Variants in KDM4C observed in about 807,000 individuals in gnomAD.
The protein encoded by KDM4C is lysine-specific demethylase 4C.
KDM4C carries 81 observed loss-of-function variants against 129.3 expected under a neutral mutation model. The observed-to-expected ratio is 0.63, with a 90% CI of 0.52 to 0.75. KDM4C has a LOEUF of 0.75. Among genes scored for constraint, KDM4C ranks in the 30% least tolerant of loss-of-function variants. The pLI is 0.00. For missense variants in KDM4C, 1,457 were observed against 1,304.0 expected, an observed-to-expected ratio of 1.12 and a Z score of -1.81; for synonymous variants, 573 against 456.1, an observed-to-expected ratio of 1.26 and a Z score of -3.26.
At chr9:6,739,315 T>G (rs952843052) in intron 1 of KDM4C, among the ~76,000 whole-genome samples, 2 of 151,738 alleles carry the variant, frequency 1.3e-5, no homozygotes, top group Non-Finnish European at 2.9e-5. Flanking sequence ...TCAGGTGACC[T>G]GTCCCCCTGC....
rs1417290 is a variant in KDM4C at position 7,046,917 on chromosome 9, A to G, written c.2315A>G (p.Lys772Arg). 0.05 allele frequency: 78,914 copies of G among 1,565,460 alleles called. 2,629 individuals carry two copies. Among genetic ancestry groups the G allele is most frequent in the East Asian group, 0.14 (6,327 of 44,534 alleles). Residue 772 changes from lysine to arginine, a missense_variant and splice_region_variant, in exon 16 of 22, where the codon AAG becomes AGG. Lys to Arg is a conservative substitution (Grantham distance 26, BLOSUM62 2). Transcript: ENST00000381309. ...GGALKQTKNNKWAHVMCAVAV... is the reference protein window; with the variant it reads ...GGALKQTKNNRWAHVMCAVAV... The stretch of plus-strand genomic sequence containing the variant: ...GCTCTTAAGCAAACGAAGAACAATA[A>G]GTAAGTAATACATTAATTGTGTTGA...
intron 5 of KDM4C, among the ~76,000 whole-genome samples, chr9:6,861,770 C>A (rs1840967218): frequency 6.6e-6 from 1 of 150,744 alleles, no homozygotes; most frequent in South Asian, 2.1e-4. Flanking sequence ...ATATATATTT[C>A]TTTCTTTCTT....
intron 12 of KDM4C, among the ~76,000 whole-genome samples, chr9:7,011,411 T>C (rs190893578): frequency 3.2e-4 from 48 of 152,216 alleles, no homozygotes; most frequent in African/African-American, 1.1e-3. Flanking sequence ...GAAGAAGTAA[T>C]GTGGGAAGGA....
intron 1 of KDM4C, among the ~76,000 whole-genome samples, chr9:6,790,857 T>G (rs146818466): frequency 6.6e-6 from 1 of 152,114 alleles, no homozygotes; most frequent in South Asian, 2.1e-4. Flanking sequence ...AAATGTTTGC[T>G]GAAGGAATCA....
At chr9:7,019,185 T>C (rs999120486) in intron 15 of KDM4C, among the ~76,000 whole-genome samples, 1 of 152,242 alleles carries the variant, frequency 6.6e-6, no homozygotes, top group East Asian at 1.9e-4. Context: ...TGGTGAGTGT[T>C]ACAATATTAA....
chr9:6,722,547 C>T (rs1276143818), intron 1 of KDM4C, among the ~76,000 whole-genome samples: 1 of 150,200 alleles, frequency 6.7e-6, no homozygotes, highest in Non-Finnish European at 1.5e-5. Flanking sequence ...GAGTTTTGCT[C>T]TTGTTGCCCA....
chr9:7,063,827 A>G (rs1295500747), intron 17 of KDM4C, among the ~76,000 whole-genome samples: 1 of 152,204 alleles, frequency 6.6e-6, no homozygotes, highest in Non-Finnish European at 1.5e-5. Flanking sequence ...AATGAACAGC[A>G]TGCTCTGTGG....
At chr9:7,011,222 AT>A (rs1477063495) in intron 12 of KDM4C, among the ~76,000 whole-genome samples, 3 of 152,212 alleles carry the variant, frequency 2.0e-5, no homozygotes, top group Non-Finnish European at 4.4e-5. Flanking sequence ...TGAACCCAGA[AT>A]TTAATTCAAT....
intron 17 of KDM4C, among the ~76,000 whole-genome samples, chr9:7,052,909 G>GCAAGAGA (rs767668455): frequency 4.0e-5 from 4 of 100,150 alleles, no homozygotes; most frequent in Non-Finnish European, 7.7e-5. Flanking sequence ...GAGCGAGCGA[G>GCAAGAGA]TGCCCAAGGG....
At chr9:6,901,978 A>G (rs1817487743) in intron 8 of KDM4C, among the ~76,000 whole-genome samples, 1 of 152,186 alleles carries the variant, frequency 6.6e-6, no homozygotes, top group East Asian at 1.9e-4. Context: ...AGGATAAGGG[A>G]CAAACATTTG....
intron 8 of KDM4C, among the ~76,000 whole-genome samples, chr9:6,932,121 G>T (rs2131316429): frequency 6.6e-6 from 1 of 152,278 alleles, no homozygotes; most frequent in Admixed American, 6.5e-5. Flanking sequence ...GGGCCAGAGG[G>T]AGATGATTAG....
At chr9:7,012,269 G>A (rs1261164690) in intron 13 of KDM4C, among the ~76,000 whole-genome samples, 1 of 152,046 alleles carries the variant, frequency 6.6e-6, no homozygotes, top group African/African-American at 2.4e-5. Flanking sequence ...TGTAGCGACT[G>A]GGTCTTACTA....
intron 19 of KDM4C, among the ~76,000 whole-genome samples, chr9:7,146,333 A>C (rs74960987): frequency 3.7e-4 from 57 of 152,306 alleles, no homozygotes; most frequent in African/African-American, 1.3e-3. Flanking sequence ...TTTTATAATC[A>C]GAAAAAGTTT....
intron 3 of KDM4C, among the ~76,000 whole-genome samples, chr9:6,808,997 A>G (rs952222299): frequency 1.3e-5 from 2 of 152,024 alleles, no homozygotes; most frequent in African/African-American, 2.4e-5. Flanking sequence ...AATTCCCTGG[A>G]TGGGTGTGAA....
intron 6 of KDM4C, among the ~76,000 whole-genome samples, chr9:6,884,393 CA>C (rs1250864449): frequency 5.3e-5 from 8 of 152,174 alleles, no homozygotes; most frequent in African/African-American, 1.9e-4. Flanking sequence ...ATGTGTAAAT[CA>C]AATACAGTAC....
chr9:6,884,646 C>T (rs1844980812), intron 6 of KDM4C, among the ~76,000 whole-genome samples: 1 of 152,088 alleles, frequency 6.6e-6, no homozygotes, highest in Non-Finnish European at 1.5e-5. Flanking sequence ...TTCCTTCCTC[C>T]CTCCTTTGTT....
intron 8 of KDM4C, among the ~76,000 whole-genome samples, chr9:6,967,009 A>G (rs1329468917): frequency 6.6e-6 from 1 of 152,228 alleles, no homozygotes; most frequent in Non-Finnish European, 1.5e-5. Flanking sequence ...CAAGACCCAG[A>G]GGAGGATAAA....
chr9:6,989,133 C>T (rs1055363968), intron 11 of KDM4C, among the ~76,000 whole-genome samples: 4 of 152,122 alleles, frequency 2.6e-5, no homozygotes, highest in Non-Finnish European at 4.4e-5. Flanking sequence ...TGTTTTTTAG[C>T]TATTATAAAC....
At chr9:6,995,815 G>A (rs1181202623) in intron 12 of KDM4C, among the ~76,000 whole-genome samples, 1 of 152,084 alleles carries the variant, frequency 6.6e-6, no homozygotes, top group Non-Finnish European at 1.5e-5. Flanking sequence ...GGGACTACAG[G>A]CGCCTGCCAC....
Sources: allele counts gnomAD v4.1 joint callset (sites outside exome capture counted in the v4.1 genomes callset), GRCh38; gene constraint gnomAD v4.1.1; transcripts MANE v1.5; gene names NCBI Gene and HGNC (gene_info 2026-07-23, HGNC 2026-07-21).